ZFHX4: variants seen among roughly 807,000 people sequenced by gnomAD.
ZFHX4 encodes zinc finger homeobox protein 4.
ZFHX4 carries 56 observed loss-of-function variants against 267.6 expected under a neutral mutation model. The observed-to-expected ratio is 0.21, with a 90% CI of 0.17 to 0.26. The LOEUF (loss-of-function observed/expected upper bound fraction) is 0.26. ZFHX4 is among the 10% of genes least tolerant of loss of function. ZFHX4 has a pLI of 1.00. For missense variants in ZFHX4, 4,332 were observed against 4,420.0 expected (o/e 0.98, Z 0.56); for synonymous variants, 1,778 against 1,665.6 (o/e 1.07, Z -1.64).
intron 4 of ZFHX4, among the ~76,000 whole-genome samples, chr8:76,803,138 G>T (rs753219374): frequency 1.3e-5 from 2 of 152,028 alleles, no homozygotes; most frequent in Non-Finnish European, 2.9e-5. Flanking sequence ...CAGGAAAGAC[G>T]CAAATTTACT....
intron 3 of ZFHX4, among the ~76,000 whole-genome samples, chr8:76,766,764 ATAT>A (rs1355092899): frequency 1.3e-5 from 2 of 152,002 alleles, no homozygotes; most frequent in African/African-American, 2.4e-5. Context: ...GATTTATATA[ATAT>A]TATAATTTTT....
chr8:76,803,703 C>A (rs1452910019), intron 4 of ZFHX4, among the ~76,000 whole-genome samples: 1 of 151,966 alleles, frequency 6.6e-6, no homozygotes, highest in Non-Finnish European at 1.5e-5. Flanking sequence ...CAATTTTACA[C>A]CTGAAGTCAA....
At chr8:76,726,761 G>C (rs950992983) in intron 3 of ZFHX4, among the ~76,000 whole-genome samples, 1 of 152,054 alleles carries the variant, frequency 6.6e-6, no homozygotes, top group Admixed American at 6.6e-5. Flanking sequence ...CTATGAAAGG[G>C]CAATATTTTT....
chr8:76,825,464 A>G lies in ZFHX4; in HGVS notation c.3326-7874A>G, dbSNP rs569750467. Among the ~76,000 whole-genome samples, 3 of 152,334 alleles carry G rather than the reference A, an allele frequency of 2.0e-5. No individual in the cohort carries two copies. The South Asian group carries it at 6.2e-4, about 32-fold the overall frequency. On this transcript the variant is annotated intron_variant, in intron 4 of 10. Transcript: ENST00000651372. ...CTCGAAGAGCAGCCAACGTTCTCCT[A>G]ATGAAATACTTCTTTGAACAACGTA... is the stretch of plus-strand genomic sequence containing the variant.
Position 76,704,325 on chromosome 8 carries a change from G to A in ZFHX4, c.237G>A (p.Glu79=), listed in dbSNP as rs751364428. Residue 79 remains glutamate, a synonymous_variant, in exon 2 of 11, where the codon GAG becomes GAA. Coordinates refer to ENST00000651372, the MANE Select transcript of ZFHX4 (RefSeq NM_024721.5). ...AAATQVTSAK[E]IPCNECATSF... is the part of the protein sequence containing the mutation. The stretch of plus-strand genomic sequence containing the variant: ...CCACTCAGGTTACCTCAGCAAAGGA[G>A]ATACCCTGCAACGAATGTGCCACTT... 6.2e-7 allele frequency: 1 copy of A among 1,613,934 alleles called. No homozygotes were observed. Among genetic ancestry groups the A allele is most frequent in the Non-Finnish European group, 8.5e-7 (1 of 1,179,920 alleles).
intron 3 of ZFHX4, among the ~76,000 whole-genome samples, chr8:76,735,053 T>C (rs1419359072): frequency 6.6e-6 from 1 of 152,140 alleles, no homozygotes; most frequent in African/African-American, 2.4e-5. Context: ...TATGATCTGA[T>C]TGATAGATAT....
chr8:76,750,960 G>C (rs1355136726), intron 3 of ZFHX4, among the ~76,000 whole-genome samples: 4 of 152,066 alleles, frequency 2.6e-5, no homozygotes, highest in African/African-American at 7.2e-5. Flanking sequence ...AAAAACGCAG[G>C]AGCTGATAAG....
At chr8:76,806,006 A>T (rs1811235372) in intron 4 of ZFHX4, among the ~76,000 whole-genome samples, 1 of 152,148 alleles carries the variant, frequency 6.6e-6, no homozygotes, top group Non-Finnish European at 1.5e-5. Flanking sequence ...TGAAATAAAC[A>T]CTACAAAAGC....
intron 1 of ZFHX4, among the ~76,000 whole-genome samples, chr8:76,687,675 G>T (rs907029455): frequency 6.6e-6 from 1 of 152,116 alleles, no homozygotes; most frequent in Non-Finnish European, 1.5e-5. Flanking sequence ...TTCTAAGAAT[G>T]CCTCTACTAA....
In ZFHX4 at chr8:76,820,498, G is replaced by A. The variant is rs117958288; in HGVS notation, c.3326-12840G>A. On this transcript the variant is annotated intron_variant, in intron 4 of 10. Coordinates refer to ENST00000651372, the MANE Select transcript of ZFHX4 (RefSeq NM_024721.5). ...TTTACACTAGTGATGATTATGACAT[G>A]CTTCATCTGATTAGTCATGCAGCAA... 2.8e-3 allele frequency among the ~76,000 whole-genome samples: 423 copies of A among 152,266 alleles called. 5 individuals carry two copies. Among genetic ancestry groups the A allele is most frequent in the Admixed American group, 0.016 (250 of 15,298 alleles).
intron 3 of ZFHX4, among the ~76,000 whole-genome samples, chr8:76,743,368 A>G (rs1363402003): frequency 6.6e-6 from 1 of 152,222 alleles, no homozygotes. Context: ...TTTCCAATTA[A>G]TCTGAGCTCT....
chr8:76,849,410 G>A (rs1283156539), intron 7 of ZFHX4, 102 bp from the exon 8 acceptor site: 1 of 1,082,136 alleles, frequency 9.2e-7, no homozygotes, highest in African/African-American at 1.5e-5. Flanking sequence ...CACATTGTAA[G>A]CATGTACCAA....
chr8:76,863,172 C>A lies in ZFHX4; in HGVS notation c.9458C>A (p.Ala3153Asp). The stretch of plus-strand genomic sequence containing the variant: ...TCTCCTGCCCTGTCTCTCAGCAGTG[C>A]CCCCACCAAACCTTTGCTGCAGACT... ...TSSPALSLSSAPTKPLLQTPP... is the reference protein window; with the variant it reads ...TSSPALSLSSDPTKPLLQTPP... Residue 3153 changes from alanine to aspartate, a missense_variant, in exon 11 of 11, where the codon GCC becomes GAC. By Grantham distance (126) the Ala-to-Asp change is moderately radical. Around this residue, in one of 7 missense-constraint regions of ZFHX4, gnomAD observed 1,648 missense variants for 1,625.0 expected, o/e 1.01. Transcript: ENST00000651372. 1.9e-6 allele frequency: 3 copies of A among 1,555,444 alleles called. No individual in the cohort carries two copies. Among genetic ancestry groups the A allele is most frequent in the African/African-American group, 1.4e-5 (1 of 73,290 alleles).
intron 5 of ZFHX4, 64 bp from the exon 6 acceptor site, chr8:76,842,591 T>C (rs1812262907): frequency 8.2e-7 from 1 of 1,225,730 alleles, no homozygotes; most frequent in Non-Finnish European, 1.1e-6. Flanking sequence ...GGCCACCTAG[T>C]TTATTTCAGT....
rs150371914 is a variant in ZFHX4, at chr8:76,773,936, A to T, written c.3094-4272A>T. On this transcript the variant is annotated intron_variant, in intron 3 of 10. Transcript: ENST00000651372. ...AAATGATGTTTTTACCTGTGAGAAG[A>T]CACGACAGAATCAGCTATTCTGTGA... 5.8e-3 allele frequency among the ~76,000 whole-genome samples: 883 copies of T among 152,258 alleles called. 7 individuals carry two copies. Among genetic ancestry groups the T allele is most frequent in the African/African-American group, 0.016 (648 of 41,570 alleles).
intron 4 of ZFHX4, among the ~76,000 whole-genome samples, chr8:76,795,599 T>C (rs1462894210): frequency 3.5e-5 from 5 of 144,256 alleles, no homozygotes. Context: ...CAGGCTGGAG[T>C]GCAATGGCAC....
Position 76,863,084 on chromosome 8 carries a change from T to C in ZFHX4, c.9380-10T>C, listed in dbSNP as rs2131979909. 1 of 1,496,152 alleles carries C rather than the reference T, an allele frequency of 6.7e-7. No homozygotes were observed. The highest frequency in any genetic ancestry group is 8.9e-7 in the Non-Finnish European group (1 of 1,122,120). The allele number at this position is 1,496,152 out of a possible 1,614,324, so 92.7% of individuals were successfully genotyped here. The stretch of plus-strand genomic sequence containing the variant: ...ATTGACAGTGGCCATCTCTCTGTTG[T>C]TGTTTTCAGCTTTAACACCTCCCGG... On this transcript the variant is annotated splice_polypyrimidine_tract_variant and intron_variant, in intron 10 of 10. Coordinates refer to ENST00000651372, the MANE Select transcript of ZFHX4 (RefSeq NM_024721.5).
chr8:76,768,090 T>A (rs536532981), intron 3 of ZFHX4, among the ~76,000 whole-genome samples: 1 of 152,192 alleles, frequency 6.6e-6, no homozygotes, highest in East Asian at 1.9e-4. Context: ...AATTGGGGTA[T>A]GTACACATAA....
intron 3 of ZFHX4, among the ~76,000 whole-genome samples, chr8:76,764,328 T>C (rs1809996622): frequency 6.6e-6 from 1 of 152,164 alleles, no homozygotes; most frequent in Non-Finnish European, 1.5e-5. Context: ...TTAGTAACTT[T>C]TTTCAAGAAT....
Sources: gnomAD v4.1 joint callset for allele counts (sites outside exome capture counted in the v4.1 genomes callset) on GRCh38, gnomAD v4.1.1 for gene constraint, gnomAD v4.1.1 regional missense constraint, MANE v1.5 for transcripts, NCBI Gene and HGNC (gene_info 2026-07-23, HGNC 2026-07-21) for gene names.